The following BMPR2 variants were observed in gnomAD, a reference collection of about 807,000 sequenced individuals.
The protein encoded by BMPR2 is bone morphogenetic protein receptor type 2.
Under a neutral mutation model 100.8 loss-of-function variants are expected in BMPR2, and 29 were observed. The observed-to-expected ratio is 0.29, with a 90% CI of 0.21 to 0.39. The LOEUF is 0.39. Ranked by LOEUF, BMPR2 falls within the 10% of genes least tolerant of loss-of-function variation. The pLI, the probability that BMPR2 is intolerant of heterozygous loss-of-function variation, is 1.00. For missense variants in BMPR2, 1,011 were observed against 1,274.5 expected (o/e 0.79, Z 3.15); for synonymous variants, 382 against 442.3 (o/e 0.86, Z 1.71).
At chr2:202,492,010 A>G (rs1692911583) in intron 3 of BMPR2, among the ~76,000 whole-genome samples, 1 of 152,204 alleles carries the variant, frequency 6.6e-6, no homozygotes, top group African/African-American at 2.4e-5. Context: ...TACAAACACC[A>G]TGGTTAAATC....
At chr2:202,398,848 G>T (rs1156825497) in intron 1 of BMPR2, among the ~76,000 whole-genome samples, 1 of 152,178 alleles carries the variant, frequency 6.6e-6, no homozygotes, top group Non-Finnish European at 1.5e-5. Flanking sequence ...ACAGATCATA[G>T]CCGGGTGCGG....
intron 1 of BMPR2, among the ~76,000 whole-genome samples, chr2:202,411,409 A>G (rs1365573837): frequency 6.6e-6 from 1 of 152,248 alleles, no homozygotes; most frequent in Non-Finnish European, 1.5e-5. Context: ...AGAAGGCAGA[A>G]ACAAGGAAAA....
At chr2:202,542,573 C>A in intron 10 of BMPR2, 126 bp downstream of exon 10, 1 of 1,192,012 alleles carries the variant, frequency 8.4e-7, no homozygotes, top group Non-Finnish European at 1.2e-6. Context: ...ACAAATCAAA[C>A]TTGATTTTTA....
rs191443576 is a variant in BMPR2 at position 202,470,274 on chromosome 2, G to A, written c.418+2585G>A. Among the ~76,000 whole-genome samples the A allele has an allele frequency of 3.8e-4, 58 of 152,096 alleles. 1 individual carries two copies. The highest frequency in any genetic ancestry group is 8.5e-4 in the Admixed American group (13 of 15,264). ...GGAGAATCACTTGAACCTGGGAGGC[G>A]GAGGTTGCAGTGAGCCGAGATCATG... On this transcript the variant is annotated intron_variant, in intron 3 of 12. Transcript: ENST00000374580.
intron 7 of BMPR2, among the ~76,000 whole-genome samples, chr2:202,528,706 A>T (rs1687963890): frequency 6.6e-6 from 1 of 152,180 alleles, no homozygotes; most frequent in South Asian, 2.1e-4. Context: ...ATCTCATGTG[A>T]TTTATTGAAC....
intron 7 of BMPR2, among the ~76,000 whole-genome samples, chr2:202,524,176 C>A (rs926741580): frequency 1.3e-5 from 2 of 151,912 alleles, no homozygotes; most frequent in African/African-American, 2.4e-5. Flanking sequence ...TCCTGGCTAA[C>A]ACAGTGAAAC....
rs1041428290 is a variant in BMPR2, at chr2:202,377,079, C to G, written c.-396C>G. ...TAGTTCTGACCCTCGCCCCCCGACC[C>G]CGGATCGAATCCCCGCCCTCCGCAC... On this transcript the variant is annotated 5_prime_UTR_variant, in exon 1 of 13. Transcript: ENST00000374580. The G allele has an allele frequency of 1.3e-5, 7 of 534,456 alleles. No homozygotes were observed. Among genetic ancestry groups the G allele is most frequent in the Non-Finnish European group, 2.0e-5 (6 of 305,218 alleles). The allele number at this position is 534,456 out of a possible 1,614,324, so 33.1% of individuals were successfully genotyped here.
chr2:202,417,452 G>T (rs1248882598), intron 1 of BMPR2, among the ~76,000 whole-genome samples: 2 of 152,070 alleles, frequency 1.3e-5, no homozygotes, highest in Non-Finnish European at 2.9e-5. Context: ...ACAGGCATGC[G>T]CCACCATGCC....
chr2:202,413,488 C>T (rs1691055907), intron 1 of BMPR2, among the ~76,000 whole-genome samples: 1 of 152,086 alleles, frequency 6.6e-6, no homozygotes, highest in Non-Finnish European at 1.5e-5. Context: ...ATGTGGTGAG[C>T]ACAGGCTTAT....
At chr2:202,382,713 A>C (rs34387777) in intron 1 of BMPR2, among the ~76,000 whole-genome samples, 2 of 152,236 alleles carry the variant, frequency 1.3e-5, no homozygotes, top group African/African-American at 4.8e-5. Context: ...ACTATAAAGT[A>C]TGTAGTTTAA....
rs138297604 is a variant in BMPR2 at position 202,478,615 on chromosome 2, C to T, written c.418+10926C>T. Among the ~76,000 whole-genome samples, 25 of 152,144 alleles carry T rather than the reference C, an allele frequency of 1.6e-4. No individual in the cohort carries two copies. In the East Asian group the frequency reaches 2.3e-3, roughly 14 times the overall value. On this transcript the variant is annotated intron_variant, in intron 3 of 12. Coordinates refer to ENST00000374580, the MANE Select transcript of BMPR2 (RefSeq NM_001204.7). ...TCCAGGTGGGGCAACAAAGCAAGACCGCTCTAAGAAGGGCCAGGCATGGCA... is the reference window on the plus strand; with the variant it reads ...TCCAGGTGGGGCAACAAAGCAAGACTGCTCTAAGAAGGGCCAGGCATGGCA...
intron 3 of BMPR2, among the ~76,000 whole-genome samples, chr2:202,469,038 T>A (rs1169393247): frequency 1.3e-5 from 2 of 152,098 alleles, no homozygotes; most frequent in African/African-American, 4.8e-5. Flanking sequence ...TTGTTTTGTT[T>A]TGTTTTTTTG....
intron 1 of BMPR2, among the ~76,000 whole-genome samples, chr2:202,384,530 C>T (rs773232731): frequency 6.6e-4 from 71 of 107,712 alleles, no homozygotes; most frequent in African/African-American, 1.4e-3. Context: ...TTCTTTCTTT[C>T]TCTTTCTTTC....
intron 3 of BMPR2, among the ~76,000 whole-genome samples, chr2:202,497,600 CCAA>C (rs1471357753): frequency 1.3e-5 from 2 of 152,146 alleles, no homozygotes. Flanking sequence ...CTCCGGGGTC[CCAA>C]CAACAAGTTG....
At chr2:202,547,046 T>C (rs1337699606) in intron 10 of BMPR2, among the ~76,000 whole-genome samples, 6 of 152,032 alleles carry the variant, frequency 3.9e-5, no homozygotes, top group Admixed American at 1.3e-4. Context: ...GGGATTACAG[T>C]CATGAGTCAG....
intron 7 of BMPR2, among the ~76,000 whole-genome samples, chr2:202,522,175 G>A (rs1227406056): frequency 1.3e-5 from 2 of 148,796 alleles, no homozygotes; most frequent in African/African-American, 2.5e-5. Flanking sequence ...ACAAAAAAAC[G>A]AAAGAAAAAG....
intron 10 of BMPR2, among the ~76,000 whole-genome samples, chr2:202,546,666 C>CAATCTCAGCTCACTGTGGCGT (rs1688380942): frequency 6.6e-6 from 1 of 152,146 alleles, no homozygotes; most frequent in African/African-American, 2.4e-5. Context: ...TGCAGTGGCG[C>CAATCTCAGCTCACTGTGGCGT]AATCTCAGCT....
At chr2:202,433,154 T>C (rs1319781563) in intron 1 of BMPR2, among the ~76,000 whole-genome samples, 1 of 150,626 alleles carries the variant, frequency 6.6e-6, no homozygotes. Flanking sequence ...GAGGCAAGCA[T>C]GCTCTCTGCT....
chr2:202,472,892 T>G (rs1244162441), intron 3 of BMPR2, among the ~76,000 whole-genome samples: 1 of 152,178 alleles, frequency 6.6e-6, no homozygotes, highest in Non-Finnish European at 1.5e-5. Context: ...TATTTTGTTC[T>G]TGAGACAAAA....
Sources: gnomAD v4.1 joint callset for allele counts (sites outside exome capture counted in the v4.1 genomes callset) on GRCh38, gnomAD v4.1.1 for gene constraint, MANE v1.5 for transcripts, NCBI Gene and HGNC (gene_info 2026-07-23, HGNC 2026-07-21) for gene names.